The following PDE7A variants were observed in gnomAD, a reference collection of about 807,000 sequenced individuals.
The protein encoded by PDE7A is high affinity 3',5'-cyclic-AMP phosphodiesterase 7A.
In PDE7A, 39 loss-of-function variants were observed where a neutral mutation model predicts 64.3. That is an observed-to-expected ratio of 0.61 (90% CI 0.47 to 0.79). PDE7A has a LOEUF of 0.79. Among genes scored for constraint, PDE7A ranks in the 30% least tolerant of loss-of-function variants. The probability of loss-of-function intolerance (pLI) is 0.00; values close to 1 mark genes in which losing one functional copy is unlikely to be tolerated. For synonymous variants in PDE7A, 203 were observed against 206.8 expected, an observed-to-expected ratio of 0.98 and a Z score of 0.16; for missense variants, 470 against 582.8, an observed-to-expected ratio of 0.81 and a Z score of 1.99.
intron 1 of PDE7A, among the ~76,000 whole-genome samples, chr8:65,795,736 C>G (rs558634025): frequency 6.6e-6 from 1 of 152,096 alleles, no homozygotes; most frequent in South Asian, 2.1e-4. Context: ...AAACTGCCTA[C>G]CAGAACAGAA....
intron 5 of PDE7A, among the ~76,000 whole-genome samples, chr8:65,742,227 T>C (rs770952216): frequency 8.6e-5 from 13 of 151,668 alleles, no homozygotes; most frequent in Non-Finnish European, 1.3e-4. Flanking sequence ...TATGAAAGAG[T>C]GGTCCTCAAT....
At chr8:65,833,738 C>T (rs191954432) in intron 1 of PDE7A, among the ~76,000 whole-genome samples, 6 of 152,144 alleles carry the variant, frequency 3.9e-5, no homozygotes, top group Admixed American at 2.0e-4. Flanking sequence ...CCAAGGTGGG[C>T]GGATCACTTG....
intron 1 of PDE7A, among the ~76,000 whole-genome samples, chr8:65,800,345 T>C (rs1809958537): frequency 6.6e-6 from 1 of 152,222 alleles, no homozygotes; most frequent in Admixed American, 6.5e-5. Flanking sequence ...CCTTAACTAA[T>C]GGCAAATCTG....
chr8:65,747,565 ACT>A (rs1158543714), intron 4 of PDE7A, 85 bp downstream of exon 4: 7 of 733,708 alleles, frequency 9.5e-6, no homozygotes, highest in East Asian at 9.1e-5. Flanking sequence ...AGAGAAAAAG[ACT>A]CTATAAATCA....
At chr8:65,754,281 C>T (rs1330279122) in intron 3 of PDE7A, among the ~76,000 whole-genome samples, 1 of 152,046 alleles carries the variant, frequency 6.6e-6, no homozygotes, top group Non-Finnish European at 1.5e-5. Context: ...TCTGCCTTTC[C>T]CAGCCCACTC....
chr8:65,820,035 A>G (rs112252406), intron 1 of PDE7A, among the ~76,000 whole-genome samples: 1 of 152,364 alleles, frequency 6.6e-6, no homozygotes, highest in African/African-American at 2.4e-5. Context: ...CCAACCTACT[A>G]CATGACAGCA....
Position 65,735,012 on chromosome 8 carries a change from G to A in PDE7A, c.596-118C>T, listed in dbSNP as rs190051148. On this transcript the variant is annotated intron_variant, in intron 6 of 12. Coordinates refer to ENST00000401827, the MANE Select transcript of PDE7A (RefSeq NM_001242318.3). ...TTTCATGTAGCTATCGGCTAAAATC[G>A]TGCCGATTCGGGCAGATGATAATCA... The A allele has an allele frequency of 7.3e-4, 493 of 671,726 alleles. 8 individuals are homozygous for A. The highest frequency in any genetic ancestry group is 3.9e-3 in the South Asian group (222 of 56,226). The allele number at this position is 671,726 out of a possible 1,614,324, so 41.6% of individuals were successfully genotyped here. A position where few individuals can be genotyped will look rare whatever the true frequency, so the allele number is the denominator to read the frequency against.
chr8:65,806,051 G>A (rs900259297), intron 1 of PDE7A, among the ~76,000 whole-genome samples: 1 of 152,136 alleles, frequency 6.6e-6, no homozygotes, highest in African/African-American at 2.4e-5. Context: ...TCATGGATAA[G>A]CATGAAGATT....
At chr8:65,749,267 T>C (rs570136746) in intron 3 of PDE7A, among the ~76,000 whole-genome samples, 11 of 152,360 alleles carry the variant, frequency 7.2e-5, no homozygotes, top group Admixed American at 7.2e-4. Flanking sequence ...CTAATAGTAA[T>C]GCAAAGCATA....
chr8:65,755,848 C>T (rs2128911220), intron 3 of PDE7A, among the ~76,000 whole-genome samples: 1 of 152,328 alleles, frequency 6.6e-6, no homozygotes, highest in Middle Eastern at 3.4e-3. Context: ...GCCTTGAACT[C>T]CTGAGCTCAA....
chr8:65,789,090 T>C, intron 1 of PDE7A: 2 of 1,387,578 alleles, frequency 1.4e-6, no homozygotes, highest in Non-Finnish European at 1.9e-6. Context: ...CTTCCAACAG[T>C]GATCACCTGA....
intron 3 of PDE7A, among the ~76,000 whole-genome samples, chr8:65,752,751 T>C (rs1205461602): frequency 6.6e-6 from 1 of 152,228 alleles, no homozygotes; most frequent in Non-Finnish European, 1.5e-5. Flanking sequence ...TCCACTATTT[T>C]AGCTTTTTAA....
chr8:65,724,063 CA>C (rs1057314119), intron 11 of PDE7A, among the ~76,000 whole-genome samples, 191 bp downstream of exon 11: 3 of 152,072 alleles, frequency 2.0e-5, no homozygotes, highest in Admixed American at 6.5e-5. Flanking sequence ...CTGATCATTC[CA>C]AAAGAGGACT....
intron 3 of PDE7A, among the ~76,000 whole-genome samples, chr8:65,752,914 C>T (rs1274378971): frequency 6.6e-6 from 1 of 152,124 alleles, no homozygotes; most frequent in Non-Finnish European, 1.5e-5. Context: ...TTGTCGCCTT[C>T]CAAATCTGTC....
intron 8 of PDE7A, 96 bp downstream of exon 8, chr8:65,727,074 A>G: frequency 1.0e-6 from 1 of 1,001,204 alleles, no homozygotes; most frequent in African/African-American, 1.6e-5. Flanking sequence ...TCTAACATTC[A>G]TTGAGAATTT....
intron 3 of PDE7A, among the ~76,000 whole-genome samples, chr8:65,764,437 T>C (rs1027965532): frequency 1.3e-5 from 2 of 152,172 alleles, no homozygotes; most frequent in African/African-American, 4.8e-5. Context: ...ACCAAACAGA[T>C]AATGGTTGGA....
chr8:65,801,077 C>CAA lies in PDE7A; in HGVS notation c.139-18235_139-18234insTT, dbSNP rs879341679. ...AGGAGGTTGAGGCAGAAATTCAGGC[C>CAA]TATGATCACAACTTTGACTAGTGAC... On this transcript the variant is annotated intron_variant, in intron 1 of 12. Transcript: ENST00000401827. Among the ~76,000 whole-genome samples the CAA allele has an allele frequency of 5.5e-3, 835 of 152,176 alleles. 30 individuals are homozygous for CAA. Among genetic ancestry groups the CAA allele is most frequent in the Admixed American group, 0.046 (701 of 15,286 alleles).
Position 65,841,538 on chromosome 8 carries a change from G to A in PDE7A, c.-30C>T. On this transcript the variant is annotated 5_prime_UTR_variant, in exon 1 of 13. Transcript: ENST00000401827. ...TACGCCCGCCCTGCCTCCGCGCGGCGCCCGCCCTGCCGCGGCCGCCGGCCC... is the reference window on the plus strand; with the variant it reads ...TACGCCCGCCCTGCCTCCGCGCGGCACCCGCCCTGCCGCGGCCGCCGGCCC... The A allele has an allele frequency of 5.0e-6, 7 of 1,398,242 alleles. No individual in the cohort carries two copies. Among genetic ancestry groups the A allele is most frequent in the Non-Finnish European group, 6.5e-6 (7 of 1,074,914 alleles). The allele number at this position is 1,398,242 out of a possible 1,614,324, so 86.6% of individuals were successfully genotyped here.
chr8:65,833,559 C>T (rs1318240128), intron 1 of PDE7A, among the ~76,000 whole-genome samples: 2 of 152,142 alleles, frequency 1.3e-5, no homozygotes, highest in Non-Finnish European at 2.9e-5. Context: ...ACAGGCCTTT[C>T]TGGAAGTTCA....
Sources: gnomAD v4.1 joint callset for allele counts (sites outside exome capture counted in the v4.1 genomes callset) on GRCh38, gnomAD v4.1.1 for gene constraint, MANE v1.5 for transcripts, NCBI Gene and HGNC (gene_info 2026-07-23, HGNC 2026-07-21) for gene names.